The following CLMP variants were observed in gnomAD, a reference collection of about 807,000 sequenced individuals.
The protein encoded by CLMP is CXADR like cell adhesion molecule.
CLMP carries 27 observed loss-of-function variants against 45.2 expected under a neutral mutation model. That is an observed-to-expected ratio of 0.60 (90% CI 0.44 to 0.82). CLMP has a LOEUF of 0.82. Among genes scored for constraint, CLMP ranks in the 40% least tolerant of loss-of-function variants. The pLI is 0.00. For synonymous variants in CLMP, 167 were observed against 171.4 expected (o/e 0.97, Z 0.20); for missense variants, 403 against 448.4 (o/e 0.90, Z 0.91).
At chr11:123,182,758 G>T (rs561078018) in intron 1 of CLMP, among the ~76,000 whole-genome samples, 54 of 152,108 alleles carry the variant, frequency 3.6e-4, no homozygotes, top group Non-Finnish European at 5.9e-4. Context: ...AAAACTCCAA[G>T]GCCTTCGTAA....
intron 1 of CLMP, among the ~76,000 whole-genome samples, chr11:123,175,143 G>C (rs57196824): frequency 2.6e-5 from 4 of 152,120 alleles, no homozygotes; most frequent in African/African-American, 7.2e-5. Context: ...TTTTTTAAGA[G>C]ACGGGGTGTA....
intron 1 of CLMP, among the ~76,000 whole-genome samples, chr11:123,106,769 C>A (rs1431626630): frequency 6.6e-6 from 1 of 152,060 alleles, no homozygotes; most frequent in East Asian, 1.9e-4. Flanking sequence ...GCCTGTAATC[C>A]CAGCACGTTG....
chr11:123,171,489 G>T (rs556416553), intron 1 of CLMP, among the ~76,000 whole-genome samples: 2 of 146,062 alleles, frequency 1.4e-5, no homozygotes, highest in African/African-American at 2.5e-5. Flanking sequence ...TGTCACCCAG[G>T]CTGGAGTGCA....
intron 1 of CLMP, among the ~76,000 whole-genome samples, chr11:123,120,530 C>T (rs968354392): frequency 6.6e-5 from 10 of 152,058 alleles, no homozygotes; most frequent in African/African-American, 2.4e-4. Context: ...TTTATCCTCT[C>T]TTAGTTTTCT....
At chr11:123,157,254 T>C (rs1401434955) in intron 1 of CLMP, among the ~76,000 whole-genome samples, 1 of 152,074 alleles carries the variant, frequency 6.6e-6, no homozygotes, top group Non-Finnish European at 1.5e-5. Flanking sequence ...CTTTATATCA[T>C]GAATAAAGAA....
rs146739373 is a variant in CLMP, at chr11:123,172,038, A to C, written c.28+22875T>G. On this transcript the variant is annotated intron_variant, in intron 1 of 6. Coordinates refer to ENST00000448775, the MANE Select transcript of CLMP (RefSeq NM_024769.5). ...ATTCTGTATTTTTTTTTTACTCAAC[A>C]TTATATTATGAGCATTTATCCAAGT... Among the ~76,000 whole-genome samples the C allele has an allele frequency of 5.3e-5, 8 of 152,106 alleles. No individual in the cohort carries two copies. The East Asian group carries it at 1.5e-3, about 29-fold the overall frequency.
intron 1 of CLMP, among the ~76,000 whole-genome samples, chr11:123,124,352 A>G (rs1327724403): frequency 6.6e-6 from 1 of 152,084 alleles, no homozygotes; most frequent in African/African-American, 2.4e-5. Flanking sequence ...CTAATCTTTG[A>G]GATTAATCCA....
chr11:123,179,711 T>C (rs1439116575), intron 1 of CLMP, among the ~76,000 whole-genome samples: 1 of 152,200 alleles, frequency 6.6e-6, no homozygotes, highest in Admixed American at 6.5e-5. Flanking sequence ...CAATTACCAA[T>C]ACAAGATGTA....
At chr11:123,149,029 TG>T (rs1461261071) in intron 1 of CLMP, among the ~76,000 whole-genome samples, 1 of 152,066 alleles carries the variant, frequency 6.6e-6, no homozygotes, top group Non-Finnish European at 1.5e-5. Context: ...AGTCAAAACA[TG>T]GGCTCAAGCA....
intron 1 of CLMP, among the ~76,000 whole-genome samples, chr11:123,150,468 A>AAAGAAAGAAAGAAAGG (rs1308569566): frequency 9.9e-6 from 1 of 100,738 alleles, no homozygotes; most frequent in Non-Finnish European, 2.2e-5. Context: ...AGAAAGAAAG[A>AAAGAAAGAAAGAAAGG]AAGAAAGAAA....
chr11:123,173,200 T>C (rs1214181343), intron 1 of CLMP, among the ~76,000 whole-genome samples: 2 of 152,250 alleles, frequency 1.3e-5, no homozygotes, highest in South Asian at 2.1e-4. Context: ...AGATCCCCTG[T>C]TGGGAACAAG....
At position 123,070,842 on chromosome 11, in the gene CLMP, A is replaced by G. The variant is rs1865663471; in HGVS notation, c.*2632T>C. On this transcript the variant is annotated 3_prime_UTR_variant, in exon 7 of 7. Coordinates refer to ENST00000448775, the MANE Select transcript of CLMP (RefSeq NM_024769.5). ...GCCAGTTCTCTTAAACCCATAGCAG[A>G]CATTTATATGTTAATTCCTCAATGT... The G allele has an allele frequency of 6.6e-6, 1 of 152,206 alleles. No individual in the cohort carries two copies. The highest frequency in any genetic ancestry group is 6.5e-5 in the Admixed American group (1 of 15,276). The allele number at this position is 152,206 out of a possible 1,614,324, so 9.4% of individuals were successfully genotyped here.
intron 1 of CLMP, among the ~76,000 whole-genome samples, chr11:123,185,861 C>T (rs1030821118): frequency 6.6e-6 from 1 of 152,184 alleles, no homozygotes; most frequent in Non-Finnish European, 1.5e-5. Context: ...TCCTTTCCTC[C>T]TATTTAAAAA....
chr11:123,112,874 C>T (rs1328976168), intron 1 of CLMP, among the ~76,000 whole-genome samples: 3 of 149,102 alleles, frequency 2.0e-5, no homozygotes, highest in East Asian at 2.0e-4. Flanking sequence ...CCCGGGTTCA[C>T]GCCATTCTCC....
intron 1 of CLMP, among the ~76,000 whole-genome samples, chr11:123,176,769 T>C (rs1299068048): frequency 1.3e-5 from 2 of 152,210 alleles, no homozygotes; most frequent in Non-Finnish European, 2.9e-5. Flanking sequence ...CTATTTATAT[T>C]ACACACAGAG....
chr11:123,129,469 ATATAT>A (rs1211013005), intron 1 of CLMP, among the ~76,000 whole-genome samples: 1 of 140,820 alleles, frequency 7.1e-6, no homozygotes, highest in East Asian at 2.0e-4. Context: ...ATATCATATG[ATATAT>A]TATAGATTAT....
chr11:123,135,979 GCTTGATAAATTCTATTGCTT>G (rs1472112709), intron 1 of CLMP: 8 of 563,286 alleles, frequency 1.4e-5, no homozygotes, highest in Non-Finnish European at 2.8e-5. Flanking sequence ...ACAATGTGCT[GCTTGATAAATTCTATTGCTT>G]CTTCAATTAA....
intron 1 of CLMP, among the ~76,000 whole-genome samples, chr11:123,151,826 A>T (rs1470656053): frequency 6.6e-6 from 1 of 152,204 alleles, no homozygotes; most frequent in Admixed American, 6.5e-5. Flanking sequence ...TTTATTATCC[A>T]AGGCAACATC....
intron 1 of CLMP, among the ~76,000 whole-genome samples, chr11:123,162,563 G>A (rs11824710): frequency 0.042 from 6,350 of 152,062 alleles, 457 homozygotes; most frequent in African/African-American, 0.15. Context: ...GGTTTGCTGA[G>A]AGAGATGAAG....
Sources: allele counts gnomAD v4.1 joint callset (sites outside exome capture counted in the v4.1 genomes callset), GRCh38; gene constraint gnomAD v4.1.1; transcripts MANE v1.5; gene names NCBI Gene and HGNC (gene_info 2026-07-23, HGNC 2026-07-21).